Variants in ELP4 observed in about 807,000 individuals in gnomAD.
ELP4 encodes elongator complex protein 4.
A neutral mutation model predicts 48.9 loss-of-function variants in ELP4; 51 were observed. The observed-to-expected ratio is 1.04, with a 90% CI of 0.83 to 1.32. ELP4 has a LOEUF of 1.32. Ranked by LOEUF, ELP4 falls within the 40% of genes most tolerant of loss-of-function variation. The probability of loss-of-function intolerance (pLI) is 0.00; values close to 1 mark genes in which losing one functional copy is unlikely to be tolerated. For missense variants in ELP4, 519 were observed against 514.6 expected (o/e 1.01, Z -0.08); for synonymous variants, 210 against 189.2 (o/e 1.11, Z -0.90).
intron 2 of ELP4, among the ~76,000 whole-genome samples, chr11:31,524,035 A>T (rs775001186): frequency 1.3e-5 from 2 of 152,146 alleles, no homozygotes; most frequent in African/African-American, 2.4e-5. Flanking sequence ...GTGTTTTTTT[A>T]AAATAATCTT....
At chr11:31,598,068 G>A (rs1349353920) in intron 4 of ELP4, among the ~76,000 whole-genome samples, 2 of 144,740 alleles carry the variant, frequency 1.4e-5, no homozygotes, top group African/African-American at 5.1e-5. Context: ...CGATTCTCCT[G>A]CCTCAGCGTG....
At chr11:31,520,207 A>G (rs1443134908) in intron 2 of ELP4, 116 bp downstream of exon 2, 4 of 848,604 alleles carry the variant, frequency 4.7e-6, no homozygotes, top group Non-Finnish European at 3.6e-6. Flanking sequence ...AGAAGTTAAG[A>G]TAAATTAGAG....
chr11:31,659,416 G>T (rs1036879429), intron 9 of ELP4, among the ~76,000 whole-genome samples: 1 of 152,074 alleles, frequency 6.6e-6, no homozygotes, highest in Admixed American at 6.6e-5. Flanking sequence ...AAGATGAAGG[G>T]TTTAATGAAA....
chr11:31,762,832 G>A (rs1477713559), intron 9 of ELP4, among the ~76,000 whole-genome samples: 1 of 151,224 alleles, frequency 6.6e-6, no homozygotes, highest in Non-Finnish European at 1.5e-5. Flanking sequence ...TGTGCTTATT[G>A]GAATTTTTTA....
At chr11:31,688,742 C>G (rs1946212499) in intron 9 of ELP4, among the ~76,000 whole-genome samples, 1 of 152,066 alleles carries the variant, frequency 6.6e-6, no homozygotes, top group Non-Finnish European at 1.5e-5. Context: ...AGTCACTGAC[C>G]TGTGAAGAGT....
chr11:31,586,403 G>A (rs1333551599), intron 3 of ELP4, among the ~76,000 whole-genome samples: 2 of 152,094 alleles, frequency 1.3e-5, no homozygotes, highest in Non-Finnish European at 2.9e-5. Flanking sequence ...ATAAAGCAAT[G>A]GATACACGTA....
chr11:31,783,577 T>C lies in ELP4; in HGVS notation c.*53T>C. Reference sequence around the variant, plus strand: ...AATTCTATGACACTCTAATTATGATTGCTAATAGCTTATGTAAATATTTTT... The same window carrying C: ...AATTCTATGACACTCTAATTATGATCGCTAATAGCTTATGTAAATATTTTT... On this transcript the variant is annotated 3_prime_UTR_variant, in exon 10 of 10. Transcript: ENST00000640961. 1.3e-6 allele frequency: 2 copies of C among 1,520,196 alleles called. No homozygotes were observed. The highest frequency in any genetic ancestry group is 1.2e-5 in the South Asian group (1 of 82,466). The allele number at this position is 1,520,196 out of a possible 1,614,324, so 94.2% of individuals were successfully genotyped here. A position where few individuals can be genotyped will look rare whatever the true frequency, so the allele number is the denominator to read the frequency against.
chr11:31,757,009 A>T (rs555284924), intron 9 of ELP4, among the ~76,000 whole-genome samples: 1 of 152,358 alleles, frequency 6.6e-6, no homozygotes, highest in South Asian at 2.1e-4. Context: ...CTTCTTCGCC[A>T]TCTTTAAACT....
At chr11:31,772,222 C>T (rs899628799) in intron 9 of ELP4, among the ~76,000 whole-genome samples, 3 of 150,518 alleles carry the variant, frequency 2.0e-5, no homozygotes, top group East Asian at 2.0e-4. Flanking sequence ...CGGGTTCAAG[C>T]GGTTCTCCAA....
chr11:31,683,057 C>T (rs1946087639), intron 9 of ELP4, among the ~76,000 whole-genome samples: 1 of 152,194 alleles, frequency 6.6e-6, no homozygotes, highest in East Asian at 1.9e-4. Context: ...AATTTATTTA[C>T]TTATTTTTCT....
chr11:31,510,677 A>G (rs146268155), intron 1 of ELP4: 2 of 297,816 alleles, frequency 6.7e-6, no homozygotes, highest in Non-Finnish European at 1.2e-5. Context: ...GCTACATTCC[A>G]TACGACATCT....
intron 3 of ELP4, among the ~76,000 whole-genome samples, chr11:31,553,759 CA>C (rs1169190086): frequency 6.6e-5 from 10 of 151,748 alleles, no homozygotes; most frequent in East Asian, 1.9e-4. Flanking sequence ...CACACACACA[CA>C]CACACCCTAT....
At chr11:31,782,699 G>T (rs1296476643) in intron 9 of ELP4, among the ~76,000 whole-genome samples, 1 of 151,974 alleles carries the variant, frequency 6.6e-6, no homozygotes, top group Non-Finnish European at 1.5e-5. Context: ...GGGTTGGGAG[G>T]GTGTTCAAAG....
At chr11:31,722,949 C>T (rs1305035603) in intron 9 of ELP4, among the ~76,000 whole-genome samples, 3 of 152,174 alleles carry the variant, frequency 2.0e-5, no homozygotes, top group Non-Finnish European at 4.4e-5. Context: ...AGCCAGGCAT[C>T]ACCCTCCCAC....
In ELP4 at chr11:31,704,680, A is replaced by G. The variant is rs538014339; in HGVS notation, c.1143+54459A>G. ...ATTAAAAAATAAAAAATAAATTTTG[A>G]TTTAGATCATAGAAAACACTACTCT... On this transcript the variant is annotated intron_variant, in intron 9 of 9. Transcript: ENST00000640961. Among the ~76,000 whole-genome samples the G allele has an allele frequency of 4.6e-5, 7 of 152,260 alleles. No individual in the cohort carries two copies. The South Asian group carries it at 1.2e-3, about 27-fold the overall frequency.
intron 9 of ELP4, chr11:31,767,512 C>T (rs1482041546): frequency 6.6e-6 from 1 of 151,780 alleles, no homozygotes; most frequent in South Asian, 2.1e-4. Context: ...CTGAATTATC[C>T]AAGTGGAAAT....
intron 9 of ELP4, among the ~76,000 whole-genome samples, chr11:31,732,868 A>G (rs966819362): frequency 6.6e-6 from 1 of 152,232 alleles, no homozygotes; most frequent in Non-Finnish European, 1.5e-5. Context: ...AGATATAGCA[A>G]TTGTAAATTG....
At chr11:31,710,032 ATC>A (rs1946707539) in intron 9 of ELP4, among the ~76,000 whole-genome samples, 1 of 152,124 alleles carries the variant, frequency 6.6e-6, no homozygotes, top group African/African-American at 2.4e-5. Context: ...CTAGTTTCTT[ATC>A]TGTCTTCCCC....
intron 5 of ELP4, among the ~76,000 whole-genome samples, chr11:31,604,518 A>G (rs1029556678): frequency 6.6e-5 from 10 of 151,970 alleles, no homozygotes; most frequent in African/African-American, 2.4e-4. Flanking sequence ...TCTGAAAATT[A>G]CAGGACTTGA....
Sources: gnomAD v4.1 joint callset for allele counts (sites outside exome capture counted in the v4.1 genomes callset) on GRCh38, gnomAD v4.1.1 for gene constraint, MANE v1.5 for transcripts, NCBI Gene and HGNC (gene_info 2026-07-23, HGNC 2026-07-21) for gene names.